Variants in POC5 observed in about 807,000 individuals in gnomAD.
POC5 encodes the protein centrosomal protein POC5.
A neutral mutation model predicts 62.9 loss-of-function variants in POC5; 48 were observed. The observed-to-expected ratio is 0.76, with a 90% CI of 0.61 to 0.97. POC5 has a LOEUF of 0.97. Among genes scored for constraint, POC5 ranks in the 50% least tolerant of loss-of-function variants. The probability of loss-of-function intolerance (pLI) is 0.00; values close to 1 mark genes in which losing one functional copy is unlikely to be tolerated. For missense variants in POC5, 696 were observed against 679.5 expected (o/e 1.02, Z -0.27); for synonymous variants, 236 against 228.2 (o/e 1.03, Z -0.31).
intron 7 of POC5, 38 bp downstream of exon 7, chr5:75,692,358 T>A (rs771587045): frequency 2.1e-6 from 3 of 1,432,210 alleles, no homozygotes; most frequent in Middle Eastern, 3.6e-4. Context: ...AATTCAGAAG[T>A]CTAACATCCA....
At chr5:75,674,972 C>T (rs1014879195) in intron 11 of POC5, among the ~76,000 whole-genome samples, 3 of 152,190 alleles carry the variant, frequency 2.0e-5, no homozygotes, top group African/African-American at 7.2e-5. Flanking sequence ...TTCCTTCTCT[C>T]TACTTGACTG....
intron 1 of POC5, among the ~76,000 whole-genome samples, chr5:75,714,764 G>A (rs898244689): frequency 6.6e-6 from 1 of 152,054 alleles, no homozygotes; most frequent in Non-Finnish European, 1.5e-5. Context: ...TGCAGTCTGT[G>A]GTCACACTGG....
At chr5:75,681,165 G>C (rs1775854456) in intron 10 of POC5, among the ~76,000 whole-genome samples, 2 of 152,154 alleles carry the variant, frequency 1.3e-5, no homozygotes, top group South Asian at 2.1e-4. Flanking sequence ...CATTGGTTAA[G>C]AGTAAGAGGT....
chr5:75,712,785 C>A (rs1777403384), intron 2 of POC5, 69 bp downstream of exon 2: 1 of 1,170,792 alleles, frequency 8.5e-7, no homozygotes, highest in African/African-American at 1.6e-5. Context: ...TTAAAAAATC[C>A]TAGTTTTCCC....
chr5:75,674,461 C>T lies in POC5; in HGVS notation c.1702G>A (p.Val568Ile). ...RSAHTQSLTS[V>I]HSIKVVD ...TAGTCAACCACTTTTATGGAATGAACACTTGTGAGAGACTGGGTGTGAGCT... is the reference window on the plus strand; with the variant it reads ...TAGTCAACCACTTTTATGGAATGAATACTTGTGAGAGACTGGGTGTGAGCT... Residue 568 changes from valine (V) to isoleucine (I), a missense_variant, in exon 12 of 12, where the codon GTT (valine) becomes ATT (isoleucine). Val to Ile is a conservative substitution (Grantham distance 29). Coordinates refer to ENST00000428202, the MANE Select transcript of POC5 (RefSeq NM_001099271.2). 1.2e-6 allele frequency: 2 copies of T among 1,613,960 alleles called. No individual in the cohort carries two copies. The highest frequency in any genetic ancestry group is 1.7e-6 in the Non-Finnish European group (2 of 1,179,860).
At chr5:75,699,993 T>TTCAA (rs1241171556) in intron 5 of POC5, among the ~76,000 whole-genome samples, 1 of 151,894 alleles carries the variant, frequency 6.6e-6, no homozygotes, top group Non-Finnish European at 1.5e-5. Flanking sequence ...ATAAAATACC[T>TTCAA]AGGAATCCAA....
chr5:75,709,570 T>C (rs912137572), intron 2 of POC5: 8 of 152,282 alleles, frequency 5.3e-5, no homozygotes, highest in African/African-American at 1.9e-4. Flanking sequence ...GTGGCTCCAG[T>C]TTTAGTATAT....
intron 9 of POC5, among the ~76,000 whole-genome samples, chr5:75,687,793 A>C (rs1776159759): frequency 6.6e-6 from 1 of 152,218 alleles, no homozygotes; most frequent in Admixed American, 6.5e-5. Flanking sequence ...TTACTTGTGA[A>C]ACTCATATTT....
chr5:75,683,402 T>A (rs1397541130), intron 10 of POC5, among the ~76,000 whole-genome samples: 1 of 151,942 alleles, frequency 6.6e-6, no homozygotes, highest in Non-Finnish European at 1.5e-5. Flanking sequence ...CCCGGCTAAT[T>A]TTTTATATTT....
intron 2 of POC5, among the ~76,000 whole-genome samples, chr5:75,710,489 GAA>G (rs1777298257): frequency 6.6e-6 from 1 of 152,106 alleles, no homozygotes; most frequent in Admixed American, 6.6e-5. Context: ...GTACTCATCA[GAA>G]GAGACACCAG....
At chr5:75,708,076 A>C (rs1394385526) in intron 2 of POC5, among the ~76,000 whole-genome samples, 1 of 152,152 alleles carries the variant, frequency 6.6e-6, no homozygotes, top group African/African-American at 2.4e-5. Context: ...CAGTTTGAAG[A>C]GGGCTGGGTG....
chr5:75,717,047 GTTA>G (rs1742622609), intron 1 of POC5, among the ~76,000 whole-genome samples: 1 of 152,186 alleles, frequency 6.6e-6, no homozygotes, highest in African/African-American at 2.4e-5. Flanking sequence ...TTTATACATG[GTTA>G]TTTTTTCTCA....
In POC5 at chr5:75,694,748, T is replaced by C; in HGVS notation, c.597A>G (p.Lys199=). The part of the protein sequence containing the change: ...HRMEMRKEKE[K]HAAHLKQLCN... ...ACAGTTGTTTTAAATGTGCTGCATGTTTTTCTTTCTCTTTTCTCATTTCCA... is the reference window on the plus strand; with the variant it reads ...ACAGTTGTTTTAAATGTGCTGCATGCTTTTCTTTCTCTTTTCTCATTTCCA... The change falls in exon 6 of 12, where the codon AAA becomes AAG. Residue 199 remains lysine, a synonymous_variant. Transcript: ENST00000428202. 6.3e-7 allele frequency: 1 copy of C among 1,596,664 alleles called. No homozygotes were observed. Among genetic ancestry groups the C allele is most frequent in the Non-Finnish European group, 8.6e-7 (1 of 1,165,496 alleles).
At chr5:75,695,660 CAA>C (rs1049935180) in intron 5 of POC5, among the ~76,000 whole-genome samples, 1 of 150,052 alleles carries the variant, frequency 6.7e-6, no homozygotes, top group Non-Finnish European at 1.5e-5. Flanking sequence ...TTAATAATAG[CAA>C]AAAAAACAAA....
At chr5:75,678,780 A>G (rs569930520) in intron 10 of POC5, among the ~76,000 whole-genome samples, 1 of 152,302 alleles carries the variant, frequency 6.6e-6, no homozygotes, top group South Asian at 2.1e-4. Flanking sequence ...AAACAATGGA[A>G]CGATCATATC....
chr5:75,697,746 T>C (rs1776675157), intron 5 of POC5, among the ~76,000 whole-genome samples: 1 of 152,022 alleles, frequency 6.6e-6, no homozygotes, highest in South Asian at 2.1e-4. Flanking sequence ...ATGGGCTAAA[T>C]GCTCCAATTA....
chr5:75,695,705 G>A (rs1440350672), intron 5 of POC5, among the ~76,000 whole-genome samples: 2 of 152,132 alleles, frequency 1.3e-5, no homozygotes, highest in African/African-American at 2.4e-5. Flanking sequence ...AAGTGGGGGA[G>A]GAGCCAAGAT....
intron 1 of POC5, among the ~76,000 whole-genome samples, chr5:75,714,799 C>T (rs1036720242): frequency 1.3e-5 from 2 of 152,062 alleles, no homozygotes; most frequent in African/African-American, 4.8e-5. Flanking sequence ...ACTCCAAGAA[C>T]TGCCATTCAC....
intron 2 of POC5, among the ~76,000 whole-genome samples, chr5:75,711,790 C>T (rs938820891): frequency 4.3e-4 from 66 of 152,174 alleles, no homozygotes; most frequent in Non-Finnish European, 8.5e-4. Context: ...GTTCTTCTTC[C>T]GTCTCTCTAA....
Sources: allele counts gnomAD v4.1 joint callset (sites outside exome capture counted in the v4.1 genomes callset), GRCh38; gene constraint gnomAD v4.1.1; transcripts MANE v1.5; gene names NCBI Gene and HGNC (gene_info 2026-07-23, HGNC 2026-07-21).